Variants in ZMAT4 observed in about 807,000 individuals in gnomAD.
ZMAT4 encodes the protein zinc finger matrin-type 4.
A neutral mutation model predicts 28.7 loss-of-function variants in ZMAT4; 17 were observed. The observed-to-expected ratio is 0.59, with a 90% CI of 0.41 to 0.89. The LOEUF (loss-of-function observed/expected upper bound fraction) is 0.89. ZMAT4 is among the 40% of genes least tolerant of loss of function. The pLI is 0.00. For missense variants in ZMAT4, 240 were observed against 283.8 expected (o/e 0.85, Z 1.11); for synonymous variants, 117 against 109.2 (o/e 1.07, Z -0.44).
intron 6 of ZMAT4, among the ~76,000 whole-genome samples, chr8:40,561,824 G>T (rs1014011637): frequency 2.6e-5 from 4 of 152,126 alleles, no homozygotes; most frequent in Non-Finnish European, 4.4e-5. Context: ...TGTATTTTAT[G>T]TATGGCCCAA....
At chr8:40,750,391 C>T (rs58008678) in intron 3 of ZMAT4, among the ~76,000 whole-genome samples, 18,771 of 151,886 alleles carry the variant, frequency 0.12, 1,650 homozygotes, top group East Asian at 0.38. Flanking sequence ...AGACAGCAAG[C>T]GTGATTTATG....
At chr8:40,714,179 T>G (rs1018870231) in intron 3 of ZMAT4, among the ~76,000 whole-genome samples, 2 of 152,144 alleles carry the variant, frequency 1.3e-5, no homozygotes, top group Non-Finnish European at 2.9e-5. Flanking sequence ...GATTTGAGAA[T>G]GTGGATCAAA....
At chr8:40,789,784 C>T (rs914082718) in intron 2 of ZMAT4, among the ~76,000 whole-genome samples, 1 of 152,204 alleles carries the variant, frequency 6.6e-6, no homozygotes, top group Non-Finnish European at 1.5e-5. Flanking sequence ...CTACTATCTG[C>T]AGTAATGAGT....
intron 1 of ZMAT4, among the ~76,000 whole-genome samples, chr8:40,876,287 T>C (rs1399915766): frequency 6.6e-6 from 1 of 152,196 alleles, no homozygotes; most frequent in African/African-American, 2.4e-5. Context: ...GAATAGTAAA[T>C]ATAAATAGTA....
At chr8:40,673,112 A>C (rs1808749425) in intron 5 of ZMAT4, among the ~76,000 whole-genome samples, 1 of 152,212 alleles carries the variant, frequency 6.6e-6, no homozygotes, top group Non-Finnish European at 1.5e-5. Context: ...AGATTCTTCC[A>C]TGATGACTTC....
chr8:40,638,980 T>C (rs1806899138), intron 5 of ZMAT4, among the ~76,000 whole-genome samples: 1 of 152,238 alleles, frequency 6.6e-6, no homozygotes, highest in Non-Finnish European at 1.5e-5. Flanking sequence ...GTGTTCTTAG[T>C]CACAGTAGCC....
intron 5 of ZMAT4, among the ~76,000 whole-genome samples, chr8:40,668,512 A>T (rs1808537643): frequency 6.6e-6 from 1 of 151,866 alleles, no homozygotes; most frequent in African/African-American, 2.4e-5. Context: ...AAAAAAAGAA[A>T]ATAATCCTCC....
intron 2 of ZMAT4, among the ~76,000 whole-genome samples, chr8:40,801,351 A>AAAAAAATATATATATATATATATGT (rs370796453): frequency 2.1e-5 from 2 of 97,258 alleles, no homozygotes; most frequent in African/African-American, 7.4e-5. Flanking sequence ...TAAAAAAAAA[A>AAAAAAATATATATATATATATATGT]ATATATATAT....
intron 2 of ZMAT4, chr8:40,786,861 C>A: frequency 3.7e-6 from 2 of 533,608 alleles, no homozygotes; most frequent in South Asian, 3.5e-5. Context: ...GTTCTAGGCC[C>A]ACAAAGAGTA....
intron 3 of ZMAT4, among the ~76,000 whole-genome samples, chr8:40,705,572 T>G (rs748380628): frequency 5.3e-5 from 8 of 152,154 alleles, no homozygotes; most frequent in Non-Finnish European, 8.8e-5. Flanking sequence ...TTTGAAAAAA[T>G]GAACCACAAA....
At chr8:40,851,898 A>G (rs78058567) in intron 1 of ZMAT4, among the ~76,000 whole-genome samples, 9,666 of 151,944 alleles carry the variant, frequency 0.064, 338 homozygotes, top group Non-Finnish European at 0.07. Context: ...TTTTTTATTT[A>G]TTTTATTTTA....
chr8:40,734,667 C>G (rs1245467864), intron 3 of ZMAT4, among the ~76,000 whole-genome samples: 2 of 152,130 alleles, frequency 1.3e-5, no homozygotes, highest in Non-Finnish European at 2.9e-5. Context: ...GAAACCATCT[C>G]CAGGTTTAAA....
At chr8:40,624,458 T>G (rs1806302559) in intron 5 of ZMAT4, among the ~76,000 whole-genome samples, 1 of 152,254 alleles carries the variant, frequency 6.6e-6, no homozygotes, top group African/African-American at 2.4e-5. Flanking sequence ...TGTATTTTGC[T>G]ACAGCAGCCC....
chr8:40,626,485 T>A (rs532691934), intron 5 of ZMAT4, among the ~76,000 whole-genome samples: 18 of 152,166 alleles, frequency 1.2e-4, no homozygotes, highest in Non-Finnish European at 2.5e-4. Context: ...ATAAAACTCT[T>A]CTGTGTTAGG....
At chr8:40,635,623 G>A (rs147207953) in intron 5 of ZMAT4, among the ~76,000 whole-genome samples, 18 of 152,328 alleles carry the variant, frequency 1.2e-4, no homozygotes, top group Non-Finnish European at 2.2e-4. Context: ...CAGTGAGGGC[G>A]TGGTGGCAAT....
chr8:40,897,083 C>T (rs1818903401), intron 1 of ZMAT4, among the ~76,000 whole-genome samples: 2 of 151,368 alleles, frequency 1.3e-5, no homozygotes, highest in South Asian at 4.2e-4. Flanking sequence ...GCTGGCGTGT[C>T]ACCAAGTTGT....
intron 5 of ZMAT4, among the ~76,000 whole-genome samples, chr8:40,592,910 TTTTTG>T (rs1804945661): frequency 1.3e-5 from 2 of 152,358 alleles, no homozygotes; most frequent in Admixed American, 6.5e-5. Context: ...TTAAGCTGTT[TTTTTG>T]TTTTGTTTTT....
chr8:40,801,407 C>T (rs1422645889), intron 2 of ZMAT4, among the ~76,000 whole-genome samples: 3 of 147,092 alleles, frequency 2.0e-5, no homozygotes, highest in Non-Finnish European at 1.5e-5. Flanking sequence ...GTGGCTCACG[C>T]CTGTAATCCC....
Position 40,670,686 on chromosome 8 carries a change from G to A in ZMAT4, c.577+4018C>T, listed in dbSNP as rs116493354. Among the ~76,000 whole-genome samples, 1,360 of 152,072 alleles carry A rather than the reference G, an allele frequency of 8.9e-3. 26 individuals are homozygous for A. Among genetic ancestry groups the A allele is most frequent in the African/African-American group, 0.03 (1,232 of 41,482 alleles). ...GCCTTCTACCTCATCTCAAATAAAA[G>A]GCAAAAAATAAATTTTTAAAAACAG... is the stretch of plus-strand genomic sequence containing the variant. On this transcript the variant is annotated intron_variant, in intron 5 of 6. Coordinates refer to ENST00000297737, the MANE Select transcript of ZMAT4 (RefSeq NM_024645.3).
Sources: allele counts gnomAD v4.1 joint callset (sites outside exome capture counted in the v4.1 genomes callset), GRCh38; gene constraint gnomAD v4.1.1; transcripts MANE v1.5; gene names NCBI Gene and HGNC (gene_info 2026-07-23, HGNC 2026-07-21).